Variants in DPP6 observed in about 807,000 individuals in gnomAD.
DPP6 encodes the protein A-type potassium channel modulatory protein DPP6.
DPP6 carries 69 observed loss-of-function variants against 122.6 expected under a neutral mutation model. The ratio of observed to expected loss-of-function variants is 0.56; its 90% confidence interval spans 0.46 to 0.69. The LOEUF (loss-of-function observed/expected upper bound fraction) is 0.69, where lower values mean the gene tolerates loss of function less well. Among genes scored for constraint, DPP6 ranks in the 30% least tolerant of loss-of-function variants. DPP6 has a pLI of 0.00. For synonymous variants in DPP6, 418 were observed against 433.1 expected (o/e 0.97, Z 0.43); for missense variants, 928 against 1,116.9 (o/e 0.83, Z 2.41).
chr7:154,495,908 A>T (rs1321776313), intron 3 of DPP6, among the ~76,000 whole-genome samples: 4 of 152,188 alleles, frequency 2.6e-5, no homozygotes, highest in African/African-American at 9.7e-5. Flanking sequence ...ACAGCAGTGC[A>T]TTGAGCCAGG....
chr7:154,176,466 A>G (rs1797806602), intron 1 of DPP6, among the ~76,000 whole-genome samples: 1 of 152,244 alleles, frequency 6.6e-6, no homozygotes, highest in Admixed American at 6.5e-5. Context: ...GTGCATAGGA[A>G]AGAAAAGGTA....
At chr7:154,493,821 G>A (rs1824495620) in intron 3 of DPP6, among the ~76,000 whole-genome samples, 5 of 152,170 alleles carry the variant, frequency 3.3e-5, no homozygotes, top group Admixed American at 3.3e-4. Context: ...ATGCAGGCAG[G>A]GAGTTTTGTT....
chr7:154,828,385 C>T (rs555206062), intron 16 of DPP6, among the ~76,000 whole-genome samples: 5 of 152,052 alleles, frequency 3.3e-5, no homozygotes, highest in East Asian at 3.9e-4. Flanking sequence ...AGGAATTGAG[C>T]GTGAAGGTCA....
the DPP6 span, among the ~76,000 whole-genome samples, chr7:153,753,085 CTCTA>C: frequency 2.0e-5 from 3 of 151,876 alleles, no homozygotes; most frequent in Admixed American, 6.6e-5. Flanking sequence ...AAATTCTTCG[CTCTA>C]TCTGATGTTG....
chr7:153,813,904 TG>T, the DPP6 span, among the ~76,000 whole-genome samples: 4 of 152,200 alleles, frequency 2.6e-5, no homozygotes, highest in African/African-American at 9.7e-5. Context: ...TTGAGTTCAT[TG>T]TAGATTCTGG....
chr7:154,154,873 C>G (rs1796604981), intron 1 of DPP6, among the ~76,000 whole-genome samples: 1 of 152,210 alleles, frequency 6.6e-6, no homozygotes, highest in Non-Finnish European at 1.5e-5. Context: ...CCGTGTGGCT[C>G]AGGCCCTCTG....
At chr7:154,407,871 C>T (rs1816255009) in intron 1 of DPP6, among the ~76,000 whole-genome samples, 1 of 152,122 alleles carries the variant, frequency 6.6e-6, no homozygotes, top group Admixed American at 6.5e-5. Context: ...GAGGATTCTC[C>T]ATCAGGACTG....
At chr7:154,553,419 G>A (rs529106705) in intron 4 of DPP6, among the ~76,000 whole-genome samples, 1 of 152,280 alleles carries the variant, frequency 6.6e-6, no homozygotes, top group African/African-American at 2.4e-5. Context: ...TGAGGAATAA[G>A]CTACTGCAAG....
the DPP6 span, among the ~76,000 whole-genome samples, chr7:153,758,026 A>T: frequency 1.3e-5 from 2 of 152,230 alleles, no homozygotes; most frequent in Non-Finnish European, 2.9e-5. Context: ...ATCCATTGGC[A>T]TAGATATCAA....
At chr7:153,753,065 ATT>A in the DPP6 span, among the ~76,000 whole-genome samples, 1 of 152,052 alleles carries the variant, frequency 6.6e-6, no homozygotes, top group African/African-American at 2.4e-5. Context: ...TTGAGACCCC[ATT>A]TTATCTAAAA....
chr7:153,900,418 T>C (rs1338389079), intron 1 of DPP6, among the ~76,000 whole-genome samples: 1 of 152,182 alleles, frequency 6.6e-6, no homozygotes, highest in Non-Finnish European at 1.5e-5. Flanking sequence ...TTCTGCAAGC[T>C]GTACAAGAAG....
chr7:154,005,930 A>G (rs527268212), intron 1 of DPP6, among the ~76,000 whole-genome samples: 3,762 of 151,458 alleles, frequency 0.025, 159 homozygotes, highest in African/African-American at 0.086. Flanking sequence ...CTACCTAGGC[A>G]CTGAGCTCCG....
At chr7:154,611,546 T>C (rs1388028672) in intron 5 of DPP6, among the ~76,000 whole-genome samples, 1 of 152,194 alleles carries the variant, frequency 6.6e-6, no homozygotes, top group Non-Finnish European at 1.5e-5. Flanking sequence ...TGCATGTGTG[T>C]GTGTGTAATA....
chr7:153,771,639 C>T, the DPP6 span, among the ~76,000 whole-genome samples: 1 of 152,264 alleles, frequency 6.6e-6, no homozygotes, highest in Non-Finnish European at 1.5e-5. Flanking sequence ...CACACCTGGC[C>T]CCCCTGAAGT....
At position 154,678,334 on chromosome 7, in the gene DPP6, C is replaced by T. The variant is rs74636822; in HGVS notation, c.762+8893C>T. ...CTGCTGCTCGCTCTCTGGGTTCGCA[C>T]TACGTGTATGAGCTGTAACACTCAC... On this transcript the variant is annotated intron_variant, in intron 7 of 25. Coordinates refer to ENST00000377770, the MANE Select transcript of DPP6 (RefSeq NM_130797.4). Among the ~76,000 whole-genome samples, 13 of 152,346 alleles carry T rather than the reference C, an allele frequency of 8.5e-5. No individual in the cohort carries two copies. In the East Asian group the frequency reaches 1.4e-3, roughly 16 times the overall value.
chr7:154,083,097 C>A (rs1398354527), intron 1 of DPP6, among the ~76,000 whole-genome samples: 8 of 152,104 alleles, frequency 5.3e-5, no homozygotes, highest in Admixed American at 5.2e-4. Context: ...GATCCGCCCA[C>A]CTCGACCTCC....
intron 10 of DPP6, among the ~76,000 whole-genome samples, chr7:154,774,246 A>G (rs1796431574): frequency 1.3e-5 from 2 of 152,096 alleles, no homozygotes; most frequent in African/African-American, 4.8e-5. Context: ...GGAGAGTTGA[A>G]TTGATTTGGC....
intron 16 of DPP6, among the ~76,000 whole-genome samples, chr7:154,822,347 A>G (rs1021698209): frequency 6.6e-6 from 1 of 152,146 alleles, no homozygotes; most frequent in Non-Finnish European, 1.5e-5. Flanking sequence ...AGGGCGTGCT[A>G]TCTCGCTGCG....
At chr7:154,223,960 A>G (rs10952467) in intron 1 of DPP6, among the ~76,000 whole-genome samples, 106,973 of 147,574 alleles carry the variant, frequency 0.72, 42,028 homozygotes, top group Non-Finnish European at 0.82. Context: ...GGACACACAC[A>G]CTGTCACTGG....
Sources: allele counts gnomAD v4.1 joint callset (sites outside exome capture counted in the v4.1 genomes callset), GRCh38; gene constraint gnomAD v4.1.1; transcripts MANE v1.5; gene names NCBI Gene and HGNC (gene_info 2026-07-23, HGNC 2026-07-21).